Variants in NUP107 observed in about 807,000 individuals in gnomAD.
NUP107 encodes the protein nucleoporin 107.
NUP107 carries 101 observed loss-of-function variants against 141.0 expected under a neutral mutation model. The ratio of observed to expected loss-of-function variants is 0.72; its 90% confidence interval spans 0.61 to 0.84. NUP107 has a LOEUF of 0.84. NUP107 is among the 40% of genes least tolerant of loss of function. NUP107 has a pLI of 0.00. For synonymous variants in NUP107, 319 were observed against 363.9 expected (o/e 0.88, Z 1.41); for missense variants, 941 against 1,102.7 (o/e 0.85, Z 2.08).
intron 6 of NUP107, 42 bp from the exon 7 acceptor site, chr12:68,700,684 T>C: frequency 6.9e-7 from 1 of 1,445,954 alleles, no homozygotes; most frequent in Non-Finnish European, 9.2e-7. Flanking sequence ...TGACTCAAAA[T>C]TGTAGAAAAT....
Position 68,745,741 on chromosome 12 carries a change from C to T in NUP107, c.*3279C>T, listed in dbSNP as rs1878502245. 1 of 152,234 alleles carries T rather than the reference C, an allele frequency of 6.6e-6. No homozygotes were observed. The highest frequency in any genetic ancestry group is 2.4e-5 in the African/African-American group (1 of 41,436). 9.4% of individuals were successfully genotyped at this position (152,234 alleles called of 1,614,324 possible). On this transcript the variant is annotated 3_prime_UTR_variant, in exon 28 of 28. Transcript: ENST00000229179. ...CTAAGGAGAAACCCTTGTAGTTATA[C>T]CCGATGATGCTGTCTGTTGGAAAGT...
rs981109928 is a variant in NUP107, at chr12:68,689,455, G to A, written c.101-78G>A. 5 of 818,488 alleles carry A rather than the reference G, an allele frequency of 6.1e-6. No individual in the cohort carries two copies. The Admixed American group carries it at 9.9e-5, about 16-fold the overall frequency. 50.7% of individuals were successfully genotyped at this position (818,488 alleles called of 1,614,324 possible). ...CTTGAAAAATGTATTCACATAATTT[G>A]TATAGTAAAAAGATGGTTAATTCTC... On this transcript the variant is annotated intron_variant, in intron 2 of 27. Coordinates refer to ENST00000229179, the MANE Select transcript of NUP107 (RefSeq NM_020401.4).
At chr12:68,691,841 G>GGAAA in intron 4 of NUP107, 127 bp from the exon 5 acceptor site, 1 of 576,184 alleles carries the variant, frequency 1.7e-6, no homozygotes, top group African/African-American at 2.3e-5. Flanking sequence ...CTCAAGAAGG[G>GGAAA]AAAAAAAAAA....
intron 17 of NUP107, among the ~76,000 whole-genome samples, chr12:68,725,104 A>C (rs1007794265): frequency 2.0e-5 from 3 of 152,244 alleles, no homozygotes; most frequent in Admixed American, 6.5e-5. Context: ...AATAAATTCC[A>C]TATAGAGCAA....
intron 8 of NUP107, 62 bp downstream of exon 8, chr12:68,702,846 A>ATTT: frequency 1.4e-4 from 106 of 757,576 alleles, no homozygotes; most frequent in East Asian, 4.4e-4. Flanking sequence ...TACTAATAGG[A>ATTT]TTTTTTTTTT....
chr12:68,711,605 G>A (rs1238468798), intron 10 of NUP107, among the ~76,000 whole-genome samples: 1 of 151,776 alleles, frequency 6.6e-6, no homozygotes, highest in Non-Finnish European at 1.5e-5. Context: ...TTGAAGAGAA[G>A]GCTTTTCTAA....
chr12:68,705,778 A>G lies in NUP107; in HGVS notation c.729+2994A>G, dbSNP rs569752185. On this transcript the variant is annotated intron_variant, in intron 8 of 27. Coordinates refer to ENST00000229179, the MANE Select transcript of NUP107 (RefSeq NM_020401.4). ...AATGGGCAGCAGCAGTTTCCGGGGT[A>G]GCCTGGGTGGAGACTTTGGCAGGGC... The G allele has an allele frequency of 1.5e-5, 11 of 746,106 alleles. No homozygotes were observed. The East Asian group carries it at 2.5e-4, about 17-fold the overall frequency. 46.2% of individuals were successfully genotyped at this position (746,106 alleles called of 1,614,324 possible).
At chr12:68,726,023 G>A (rs896640993) in intron 18 of NUP107, among the ~76,000 whole-genome samples, 1 of 151,932 alleles carries the variant, frequency 6.6e-6, no homozygotes, top group Non-Finnish European at 1.5e-5. Flanking sequence ...TTTTAGTAGA[G>A]ACGGGGTTTC....
intron 17 of NUP107, among the ~76,000 whole-genome samples, chr12:68,725,319 C>G (rs1044950011): frequency 6.6e-6 from 1 of 151,820 alleles, no homozygotes; most frequent in African/African-American, 2.4e-5. Context: ...AGAGAATACT[C>G]AAAGAATGCT....
intron 25 of NUP107, 136 bp downstream of exon 25, chr12:68,734,969 A>G: frequency 9.5e-7 from 1 of 1,053,782 alleles, no homozygotes; most frequent in Non-Finnish European, 1.4e-6. Context: ...GCTTTGGAAG[A>G]TGCAATCTGT....
At chr12:68,719,466 C>A in intron 13 of NUP107, 35 bp downstream of exon 13, 1 of 1,587,388 alleles carries the variant, frequency 6.3e-7, no homozygotes, top group Non-Finnish European at 8.6e-7. Context: ...CAGTTGAGGA[C>A]AAAGGCATTT....
At position 68,710,150 on chromosome 12, in the gene NUP107, CT is replaced by C. The variant is rs1183100764; in HGVS notation, c.890+60del. 9 of 887,968 alleles carry C rather than the reference CT, an allele frequency of 1.0e-5. No homozygotes were observed. The African/African-American group carries it at 1.5e-4, about 15-fold the overall frequency. 55.0% of individuals were successfully genotyped at this position (887,968 alleles called of 1,614,324 possible). ...CTCAATGTTGATATTGTTCATTCAT[CT>C]TTCAATAAGTATTATTCAGTTTTTA... On this transcript the variant is annotated intron_variant, in intron 10 of 27. Transcript: ENST00000229179.
intron 6 of NUP107, among the ~76,000 whole-genome samples, chr12:68,697,820 A>T (rs1343878051): frequency 6.6e-6 from 1 of 152,070 alleles, no homozygotes; most frequent in Admixed American, 6.6e-5. Context: ...ACTGCAGGTC[A>T]GGAGTTCGAG....
At chr12:68,692,293 C>A in intron 5 of NUP107, 181 bp downstream of exon 5, 1 of 599,432 alleles carries the variant, frequency 1.7e-6, no homozygotes, top group Non-Finnish European at 2.7e-6. Flanking sequence ...AAGAGTCTCA[C>A]TCTGTTGCCG....
At chr12:68,737,799 A>T (rs1468441704) in intron 26 of NUP107, among the ~76,000 whole-genome samples, 4 of 152,198 alleles carry the variant, frequency 2.6e-5, no homozygotes, top group Non-Finnish European at 5.9e-5. Context: ...GACGTAGGGC[A>T]TTGTTCAAGG....
At chr12:68,722,195 C>T (rs1307361159) in intron 17 of NUP107, 43 bp downstream of exon 17, 1 of 1,535,444 alleles carries the variant, frequency 6.5e-7, no homozygotes, top group Admixed American at 1.7e-5. Flanking sequence ...GAATAGGAAA[C>T]AGTGTTATTC....
At chr12:68,695,697 G>T (rs1428491420) in intron 5 of NUP107, among the ~76,000 whole-genome samples, 1 of 152,172 alleles carries the variant, frequency 6.6e-6, no homozygotes, top group African/African-American at 2.4e-5. Flanking sequence ...ATACATAGTG[G>T]TGATGGTAGC....
chr12:68,740,048 A>G (rs1809512910), intron 26 of NUP107: 1 of 152,178 alleles, frequency 6.6e-6, no homozygotes, highest in South Asian at 2.1e-4. Flanking sequence ...TAGTATCGGA[A>G]TTCATTATAA....
rs148828644 is a variant in NUP107 at position 68,731,663 on chromosome 12, A to C, written c.1942A>C (p.Asn648His). The C allele has an allele frequency of 4.5e-5, 72 of 1,588,668 alleles. No homozygotes were observed. Among genetic ancestry groups the C allele is most frequent in the Non-Finnish European group, 5.8e-5 (68 of 1,173,440 alleles). ...TVVENIRKKD[N>H]GEFSHHDLAP... ...AGTTGAGAATATTCGAAAGAAAGAT[A>C]ATGGTGAATTTAGTCATCATGACCT... Residue 648 changes from asparagine (N) to histidine (H), a missense_variant, in exon 22 of 28, where the codon AAT (asparagine) becomes CAT (histidine). Asn to His is a moderately conservative substitution (Grantham distance 68, BLOSUM62 1). Transcript: ENST00000229179.
Sources: allele counts gnomAD v4.1 joint callset (sites outside exome capture counted in the v4.1 genomes callset), GRCh38; gene constraint gnomAD v4.1.1; transcripts MANE v1.5; gene names NCBI Gene and HGNC (gene_info 2026-07-23, HGNC 2026-07-21).